Variants in DCC observed in about 807,000 individuals in gnomAD.
The protein encoded by DCC is DCC netrin 1 receptor, also known as netrin receptor DCC.
In DCC, 58 loss-of-function variants were observed where a neutral mutation model predicts 172.5. The ratio of observed to expected loss-of-function variants is 0.34; its 90% CI spans 0.27 to 0.42. The LOEUF is 0.42. Among genes scored for constraint, DCC ranks in the 10% least tolerant of loss-of-function variants. DCC has a pLI of 1.00. For synonymous variants in DCC, 709 were observed against 644.5 expected (o/e 1.10, Z -1.52); for missense variants, 1,740 against 1,791.0 (o/e 0.97, Z 0.51).
intron 7 of DCC, among the ~76,000 whole-genome samples, chr18:53,076,499 T>A (rs1273951900): frequency 1.3e-5 from 2 of 152,164 alleles, no homozygotes; most frequent in Non-Finnish European, 2.9e-5. Context: ...CTGTATCAAG[T>A]CAGCAGCTGT....
At chr18:52,673,724 G>A (rs2035597576) in intron 1 of DCC, among the ~76,000 whole-genome samples, 1 of 152,162 alleles carries the variant, frequency 6.6e-6, no homozygotes, top group African/African-American at 2.4e-5. Context: ...CCATTGCCAG[G>A]TTTAGATCAC....
chr18:53,212,161 G>C (rs1308104069), intron 11 of DCC, among the ~76,000 whole-genome samples: 1 of 152,074 alleles, frequency 6.6e-6, no homozygotes, highest in African/African-American at 2.4e-5. Flanking sequence ...CAATTATGGG[G>C]ACTTGATCTG....
intron 5 of DCC, among the ~76,000 whole-genome samples, chr18:52,979,934 C>T (rs948680897): frequency 1.3e-5 from 2 of 152,194 alleles, no homozygotes; most frequent in African/African-American, 2.4e-5. Flanking sequence ...AACAACTTTC[C>T]ACAGCAGCCC....
intron 15 of DCC, among the ~76,000 whole-genome samples, chr18:53,341,458 A>G (rs2057658592): frequency 6.6e-6 from 1 of 152,220 alleles, no homozygotes. Context: ...TCTGGAAAAT[A>G]TATTCTAAAG....
At chr18:52,916,522 T>C (rs2040043784) in intron 3 of DCC, among the ~76,000 whole-genome samples, 1 of 152,214 alleles carries the variant, frequency 6.6e-6, no homozygotes, top group South Asian at 2.1e-4. Context: ...ATTTGGAAGA[T>C]GTGTCTAATA....
intron 1 of DCC, among the ~76,000 whole-genome samples, chr18:52,707,712 C>T (rs953410403): frequency 6.6e-6 from 1 of 152,118 alleles, no homozygotes. Flanking sequence ...AAATTCGTGA[C>T]ATGGATGAAC....
At chr18:52,558,901 C>G (rs1199039384) in intron 1 of DCC, among the ~76,000 whole-genome samples, 1 of 152,104 alleles carries the variant, frequency 6.6e-6, no homozygotes, top group Non-Finnish European at 1.5e-5. Context: ...TCAGCTAACC[C>G]CATCTCCCAT....
At chr18:52,730,401 C>CA (rs1410716722) in intron 1 of DCC, among the ~76,000 whole-genome samples, 2 of 152,186 alleles carry the variant, frequency 1.3e-5, no homozygotes, top group Non-Finnish European at 2.9e-5. Flanking sequence ...TTGAGGAATG[C>CA]AACAGCTTAC....
intron 1 of DCC, among the ~76,000 whole-genome samples, chr18:52,569,294 C>G (rs1228066325): frequency 6.6e-6 from 1 of 152,200 alleles, no homozygotes; most frequent in African/African-American, 2.4e-5. Context: ...TAGATTTGCA[C>G]AAATTATTCA....
intron 12 of DCC, among the ~76,000 whole-genome samples, chr18:53,290,621 T>C (rs2056991418): frequency 6.6e-6 from 1 of 152,158 alleles, no homozygotes; most frequent in Non-Finnish European, 1.5e-5. Context: ...CCGCTGTTAA[T>C]AGCCACTTCT....
chr18:52,969,530 C>A (rs1280133638), intron 5 of DCC, among the ~76,000 whole-genome samples: 1 of 150,974 alleles, frequency 6.6e-6, no homozygotes, highest in African/African-American at 2.4e-5. Context: ...AGTTGACTTA[C>A]TTATCTCAAC....
At chr18:52,994,049 A>G (rs572875957) in intron 5 of DCC, among the ~76,000 whole-genome samples, 1 of 152,254 alleles carries the variant, frequency 6.6e-6, no homozygotes, top group Non-Finnish European at 1.5e-5. Context: ...TATGTTAACA[A>G]AAAAAGGAAT....
intron 27 of DCC, among the ~76,000 whole-genome samples, chr18:53,502,467 C>T (rs1674646082): frequency 6.6e-6 from 1 of 152,104 alleles, no homozygotes; most frequent in Non-Finnish European, 1.5e-5. Flanking sequence ...AGAAAATTAG[C>T]AGACTGACAA....
intron 9 of DCC, among the ~76,000 whole-genome samples, chr18:53,199,411 G>C (rs1044724345): frequency 1.3e-5 from 2 of 151,914 alleles, no homozygotes; most frequent in Non-Finnish European, 2.9e-5. Context: ...ACATTTTTGA[G>C]TCTCCCTTTA....
At position 52,425,452 on chromosome 18, in the gene DCC, G is replaced by T. The variant is rs557445163; in HGVS notation, c.91+84574G>T. Among the ~76,000 whole-genome samples, 7 of 152,216 alleles carry T rather than the reference G, an allele frequency of 4.6e-5. No homozygotes were observed. In the South Asian group the frequency reaches 1.4e-3, roughly 31 times the overall value. On this transcript the variant is annotated intron_variant, in intron 1 of 28. Coordinates refer to ENST00000442544, the MANE Select transcript of DCC (RefSeq NM_005215.4). Reference sequence around the variant, plus strand: ...CAGTTGGTGTCTGAGGTGATTTCAAGGTTGGTGCTACCATGCAAAGATGGC... The same window carrying T: ...CAGTTGGTGTCTGAGGTGATTTCAATGTTGGTGCTACCATGCAAAGATGGC...
chr18:53,508,105 G>T (rs971675107), intron 27 of DCC, among the ~76,000 whole-genome samples: 1 of 151,866 alleles, frequency 6.6e-6, no homozygotes, highest in African/African-American at 2.4e-5. Context: ...GTGTTAGCCA[G>T]GATGGTCTCG....
chr18:52,487,811 A>G (rs895499018), intron 1 of DCC, among the ~76,000 whole-genome samples: 18 of 8,144 alleles, frequency 2.2e-3, no homozygotes, highest in African/African-American at 5.6e-3. Flanking sequence ...ACTCCACCTC[A>G]AAAAAAAAAA....
At chr18:52,502,748 C>T (rs554672748) in intron 1 of DCC, among the ~76,000 whole-genome samples, 1 of 152,280 alleles carries the variant, frequency 6.6e-6, no homozygotes, top group South Asian at 2.1e-4. Context: ...AAGTCAGTAA[C>T]CTACATAATT....
intron 12 of DCC, among the ~76,000 whole-genome samples, chr18:53,252,294 A>C (rs1477492707): frequency 6.6e-6 from 1 of 151,916 alleles, no homozygotes; most frequent in Non-Finnish European, 1.5e-5. Flanking sequence ...ATACAGAGAC[A>C]GAATAAAATA....
Sources: allele counts gnomAD v4.1 joint callset (sites outside exome capture counted in the v4.1 genomes callset), GRCh38; gene constraint gnomAD v4.1.1; transcripts MANE v1.5; gene names NCBI Gene and HGNC (gene_info 2026-07-23, HGNC 2026-07-21).